TEX11: variants seen among roughly 807,000 people sequenced by gnomAD.
The protein encoded by TEX11 is testis expressed 11.
Under a neutral mutation model 84.4 loss-of-function variants are expected in TEX11, and 7 were observed. The observed-to-expected ratio is 0.08, with a 90% CI of 0.05 to 0.16. The LOEUF is 0.16. Ranked by LOEUF, TEX11 falls within the 10% of genes least tolerant of loss-of-function variation. The probability of loss-of-function intolerance (pLI) is 1.00; values close to 1 mark genes in which losing one functional copy is unlikely to be tolerated. For missense variants in TEX11, 551 were observed against 660.5 expected, an observed-to-expected ratio of 0.83 and a Z score of 1.82; for synonymous variants, 264 against 222.8, an observed-to-expected ratio of 1.18 and a Z score of -1.64.
chrX:70,782,645 CAAAAAA>C (rs780011355), intron 9 of TEX11, among the ~76,000 whole-genome samples: 3 of 28,904 alleles, frequency 1.0e-4, no homozygotes, highest in South Asian at 5.2e-3. Context: ...AAATGGAAAG[CAAAAAA>C]AAAAAAAAAA....
chrX:70,859,996 A>T (rs2091560660), intron 5 of TEX11, among the ~76,000 whole-genome samples: 1 of 111,783 alleles, frequency 8.9e-6, no homozygotes, highest in Non-Finnish European at 1.9e-5. Flanking sequence ...AGCCAGGGTG[A>T]CTCCCTCTCA....
chrX:70,578,764 CTT>C (rs869110075), intron 25 of TEX11, among the ~76,000 whole-genome samples: 3,168 of 50,174 alleles, frequency 0.063, 187 homozygotes, highest in African/African-American at 0.23. Flanking sequence ...AGTTGAACTT[CTT>C]TTTTTTTTTT....
At chrX:70,717,357 C>A (rs1222115245) in intron 13 of TEX11, among the ~76,000 whole-genome samples, 1 of 105,846 alleles carries the variant, frequency 9.4e-6, no homozygotes, top group East Asian at 2.9e-4. Context: ...CTTGCTCTGT[C>A]GCCCAGGCTG....
At chrX:70,765,541 A>T (rs1215842873) in intron 9 of TEX11, among the ~76,000 whole-genome samples, 2 of 112,333 alleles carry the variant, frequency 1.8e-5, no homozygotes, top group Admixed American at 1.9e-4. Flanking sequence ...AAACCATATG[A>T]TCATTTCAAT....
chrX:70,744,136 A>T, intron 10 of TEX11, 29 bp downstream of exon 10: 1 of 972,941 alleles, frequency 1.0e-6, no homozygotes, highest in Non-Finnish European at 1.4e-6. Flanking sequence ...TATTCAACCT[A>T]TTTCTACAAT....
chrX:70,778,845 A>G (rs1189046592), intron 9 of TEX11, among the ~76,000 whole-genome samples: 1 of 111,037 alleles, frequency 9.0e-6, no homozygotes, highest in African/African-American at 3.3e-5. Flanking sequence ...AGAATTTTGG[A>G]AAAATCACAA....
chrX:70,651,382 T>A (rs1003517992), intron 17 of TEX11, 68 bp downstream of exon 17: 5 of 725,161 alleles, frequency 6.9e-6, no homozygotes, highest in Non-Finnish European at 1.0e-5. Context: ...TTTTTCCCAC[T>A]GTGGTTGAAG....
intron 25 of TEX11, among the ~76,000 whole-genome samples, chrX:70,563,948 G>T (rs1423825219): frequency 4.5e-5 from 5 of 112,097 alleles, no homozygotes; most frequent in Non-Finnish European, 9.4e-5. Context: ...CTGGCCTGAT[G>T]CCGGGTGTGG....
intron 17 of TEX11, among the ~76,000 whole-genome samples, chrX:70,643,899 A>G (rs1169484742): frequency 9.2e-6 from 1 of 108,268 alleles, no homozygotes; most frequent in Non-Finnish European, 1.9e-5. Context: ...AGCAATGGCA[A>G]CAAAAGACAA....
chrX:70,567,857 G>A (rs1485412475), intron 25 of TEX11, among the ~76,000 whole-genome samples: 1 of 111,456 alleles, frequency 9.0e-6, no homozygotes. Context: ...GGTGTGGTGT[G>A]GTGCAGAAAA....
At chrX:70,656,250 C>T (rs2089864486) in intron 16 of TEX11, among the ~76,000 whole-genome samples, 1 of 90,156 alleles carries the variant, frequency 1.1e-5, no homozygotes, top group South Asian at 5.6e-4. Flanking sequence ...ATAGTAAGAC[C>T]CCCGTCTCAA....
chrX:70,666,071 C>A (rs1274445440), intron 16 of TEX11, among the ~76,000 whole-genome samples: 2 of 110,792 alleles, frequency 1.8e-5, no homozygotes, highest in East Asian at 2.8e-4. Flanking sequence ...GGTACAAGGG[C>A]AAATAAAGAT....
chrX:70,826,923 C>A (rs2091350011), intron 8 of TEX11, among the ~76,000 whole-genome samples: 1 of 111,341 alleles, frequency 9.0e-6, no homozygotes, highest in African/African-American at 3.3e-5. Context: ...CCTAGGGAGA[C>A]AACAGCTGGC....
At chrX:70,528,845 C>T (rs1603025310), downstream of TEX11, 1 of 364,034 alleles carries the variant, frequency 2.7e-6, no homozygotes, top group South Asian at 5.5e-5. Context: ...TCAGATGGGG[C>T]ATAAACCATC....
intron 9 of TEX11, among the ~76,000 whole-genome samples, chrX:70,754,969 GTCCT>G: frequency 8.9e-6 from 1 of 111,956 alleles, no homozygotes; most frequent in East Asian, 2.8e-4. Flanking sequence ...CAACACTCAA[GTCCT>G]TCTGAACATG....
chrX:70,614,567 C>T (rs897491154), intron 20 of TEX11, among the ~76,000 whole-genome samples: 1 of 111,913 alleles, frequency 8.9e-6, no homozygotes, highest in African/African-American at 3.2e-5. Flanking sequence ...CTGGACTCAC[C>T]TGGGGCCTGG....
chrX:70,554,362 T>G (rs1217270691), intron 26 of TEX11, among the ~76,000 whole-genome samples: 3 of 111,443 alleles, frequency 2.7e-5, no homozygotes, highest in African/African-American at 6.5e-5. Context: ...ACAGAAAAAA[T>G]TTGAGCACCT....
chrX:70,719,466 C>A (rs1004120772), intron 13 of TEX11, among the ~76,000 whole-genome samples: 1 of 111,631 alleles, frequency 9.0e-6, no homozygotes, highest in African/African-American at 3.3e-5. Context: ...TTATTTATGT[C>A]TATGCAACAG....
At chrX:70,902,975 T>C (rs58536812) in intron 2 of TEX11, among the ~76,000 whole-genome samples, 23,589 of 111,043 alleles carry the variant, frequency 0.21, 3,263 homozygotes, top group African/African-American at 0.46. Flanking sequence ...TGTTAAAAAC[T>C]AAGACACAAA....
Sources: gnomAD v4.1 joint callset for allele counts (sites outside exome capture counted in the v4.1 genomes callset) on GRCh38, gnomAD v4.1.1 for gene constraint, MANE v1.5 for transcripts, NCBI Gene and HGNC (gene_info 2026-07-23, HGNC 2026-07-21) for gene names.